STING1: variants seen among roughly 807,000 people sequenced by gnomAD.
STING1 encodes the protein stimulator of interferon genes protein.
STING1 carries 19 observed loss-of-function variants against 31.6 expected under a neutral mutation model. The observed-to-expected ratio is 0.60, with a 90% CI of 0.42 to 0.88. The LOEUF is 0.88. Among genes scored for constraint, STING1 ranks in the 40% least tolerant of loss-of-function variants. The pLI is 0.00. For missense variants in STING1, 371 were observed against 483.7 expected, an observed-to-expected ratio of 0.77 and a Z score of 2.19; for synonymous variants, 200 against 208.6, an observed-to-expected ratio of 0.96 and a Z score of 0.35.
intron 2 of STING1, 140 bp downstream of exon 2, chr5:139,482,070 C>T (rs1751870087): frequency 5.3e-6 from 1 of 188,412 alleles, no homozygotes; most frequent in South Asian, 1.7e-4. Context: ...TCCCCGGAAC[C>T]CACCCCAGGG....
At position 139,481,065 on chromosome 5, in the gene STING1, TA is replaced by T. The variant is rs1751824378; in HGVS notation, c.411+93del. On this transcript the variant is annotated intron_variant, in intron 4 of 7. Transcript: ENST00000330794. This position sits in a 1 kb window ranked among gnomAD's most constrained non-coding sequence, Gnocchi z 4.1. ...GTTCTACTCCATGGACTCCAGCCTT[TA>T]AACCAGTCCCACTCCCAGTACTCAG... 7.2e-7 allele frequency: 1 copy of T among 1,383,018 alleles called. No individual in the cohort carries two copies. Among genetic ancestry groups the T allele is most frequent in the African/African-American group, 1.4e-5 (1 of 70,160 alleles). 85.7% of individuals were successfully genotyped at this position (1,383,018 alleles called of 1,614,324 possible).
At chr5:139,482,086 C>T (rs1751870708) in intron 2 of STING1, 124 bp downstream of exon 2, 1 of 173,558 alleles carries the variant, frequency 5.8e-6, no homozygotes, top group Non-Finnish European at 1.2e-5. Flanking sequence ...CAGGGAGGAC[C>T]TTAGTCAACA....
intron 7 of STING1, 61 bp from the exon 8 acceptor site, chr5:139,476,515 C>A: frequency 6.7e-7 from 1 of 1,499,712 alleles, no homozygotes; most frequent in Non-Finnish European, 9.1e-7. Flanking sequence ...CTCAAACATA[C>A]CTAGAGAACT....
intron 5 of STING1, chr5:139,478,814 G>T: frequency 2.8e-6 from 1 of 356,792 alleles, no homozygotes; most frequent in Non-Finnish European, 5.3e-6. Flanking sequence ...GACATTTCCA[G>T]CATTCTCGTG....
Position 139,478,848 on chromosome 5 carries a change from C to A in STING1, c.521-340G>T, listed in dbSNP as rs564620926. 23 of 276,700 alleles carry A rather than the reference C, an allele frequency of 8.3e-5. No homozygotes were observed. The South Asian group carries it at 1.2e-3, about 14-fold the overall frequency. 17.1% of individuals were successfully genotyped at this position (276,700 alleles called of 1,614,324 possible). A position where few individuals can be genotyped will look rare whatever the true frequency, so the allele number is the denominator to read the frequency against. ...TGTGCACAGAGGGAGGCCTCTAGCCCCAGATCAGTCTCCTAGCGGAAGCCC... is the reference window on the plus strand; with the variant it reads ...TGTGCACAGAGGGAGGCCTCTAGCCACAGATCAGTCTCCTAGCGGAAGCCC... On this transcript the variant is annotated intron_variant, in intron 5 of 7. Transcript: ENST00000330794.
chr5:139,478,097 G>A (rs572037972), intron 6 of STING1, among the ~76,000 whole-genome samples, 173 bp downstream of exon 6: 2 of 152,294 alleles, frequency 1.3e-5, no homozygotes, highest in South Asian at 4.1e-4. Flanking sequence ...GTAAGTGCTC[G>A]ATAAATGTTA....
rs1751721990 is a variant in STING1 at position 139,478,284 on chromosome 5, C to T, written c.745G>A (p.Glu249Lys). The change falls in exon 6 of 8, where the codon GAG (glutamate) becomes AAG (lysine). Residue 249 changes from glutamate to lysine, a missense_variant. Physicochemically the swap from Glu to Lys is moderately conservative, Grantham distance 56. Transcript: ENST00000330794. The stretch of plus-strand genomic sequence containing the variant: ...TGCACACTTACCCGCTGCCCGTTCT[C>T]CAGAAGCTCATAGATGCTGTTGCTG... ...VYSNSIYELLENGQRAGTCVL... is the reference protein window; with the variant it reads ...VYSNSIYELLKNGQRAGTCVL... 6.2e-7 allele frequency: 1 copy of T among 1,613,380 alleles called. No homozygotes were observed. The highest frequency in any genetic ancestry group is 1.3e-5 in the African/African-American group (1 of 74,886).
chr5:139,480,939 A>G, intron 4 of STING1, 41 bp from the exon 5 acceptor site: 1 of 1,481,420 alleles, frequency 6.8e-7, no homozygotes, highest in Non-Finnish European at 9.4e-7. Context: ...TCCATCAAGG[A>G]CACCCAGAGA....
chr5:139,481,080 C>A lies in STING1; in HGVS notation c.411+79G>T. 2.1e-6 allele frequency: 3 copies of A among 1,450,820 alleles called. No homozygotes were observed. The highest frequency in any genetic ancestry group is 2.3e-5 in the South Asian group (2 of 86,804). 89.9% of individuals were successfully genotyped at this position (1,450,820 alleles called of 1,614,324 possible). ...CTCCAGCCTTTAAACCAGTCCCACT[C>A]CCAGTACTCAGCTCAGGGCAGGTCA... is the stretch of plus-strand genomic sequence containing the variant. On this transcript the variant is annotated intron_variant, in intron 4 of 7. Coordinates refer to ENST00000330794, the MANE Select transcript of STING1 (RefSeq NM_198282.4). This position sits in a 1 kb window ranked among gnomAD's most constrained non-coding sequence, Gnocchi z 4.1.
intron 5 of STING1, 150 bp downstream of exon 5, chr5:139,480,640 C>T: frequency 1.6e-6 from 1 of 625,248 alleles, no homozygotes; most frequent in Admixed American, 2.7e-5. Context: ...ATCATAGCAA[C>T]ATCCTTCATG....
At chr5:139,476,512 A>T (rs989475184) in intron 7 of STING1, 58 bp from the exon 8 acceptor site, 1 of 1,511,342 alleles carries the variant, frequency 6.6e-7, no homozygotes, top group African/African-American at 1.4e-5. Context: ...CCACTCAAAC[A>T]TACCTAGAGA....
At chr5:139,477,670 G>A (rs971988050) in intron 6 of STING1, among the ~76,000 whole-genome samples, 155 bp from the exon 7 acceptor site, 2 of 152,052 alleles carry the variant, frequency 1.3e-5, no homozygotes, top group African/African-American at 4.8e-5. Context: ...ACCCTAATGG[G>A]GTCTATGCTG....
rs1390555642 is a variant in STING1, at chr5:139,478,426, G to A, written c.603C>T (p.Leu201=). 1 of 1,614,208 alleles carries A rather than the reference G, an allele frequency of 6.2e-7. No individual in the cohort carries two copies. The highest frequency in any genetic ancestry group is 8.5e-7 in the Non-Finnish European group (1 of 1,180,036). The change falls in exon 6 of 8, where the codon CTC becomes CTT. Residue 201 remains leucine (L), a synonymous_variant. Transcript: ENST00000330794. ...CAGGCACCCCACAGTCCAATGGGAG[G>A]AGAATATACAGCCGCTGGCTCACTG... The part of the protein sequence containing the change: ...RGAVSQRLYI[L]LPLDCGVPDN...
rs760501340 is a variant in STING1 at position 139,476,235 on chromosome 5, AG to A, written c.*25del. ...AGTCCAGAGGCTTGGAGACCACTGG[AG>A]GCTCTGGCCTGGTGACCCTGGGTCT... On this transcript the variant is annotated 3_prime_UTR_variant, in exon 8 of 8. Transcript: ENST00000330794. The A allele has an allele frequency of 9.1e-6, 14 of 1,541,830 alleles. No individual in the cohort carries two copies. In the Admixed American group the frequency reaches 2.7e-4, roughly 30 times the overall value.
In STING1 at chr5:139,479,848, CAAAAAAAAAA is replaced by C. The variant is rs1168023127; in HGVS notation, c.520+932_520+941del. ...TGAAACCCTGTCTCTACTAAAAATACAAAAAAAAAAAAAAAAAAAAAAAAAAAAGCCATGC... is the reference window on the plus strand; with the variant it reads ...TGAAACCCTGTCTCTACTAAAAATACAAAAAAAAAAAAAAAAAAGCCATGC... On this transcript the variant is annotated intron_variant, in intron 5 of 7. Coordinates refer to ENST00000330794, the MANE Select transcript of STING1 (RefSeq NM_198282.4). Among the ~76,000 whole-genome samples the C allele has an allele frequency of 5.2e-4, 18 of 34,920 alleles. No homozygotes were observed. The East Asian group carries it at 0.013, about 24-fold the overall frequency. The allele number at this position is 34,920 out of a possible 152,430, so 22.9% of individuals were successfully genotyped here. A position where few individuals can be genotyped will look rare whatever the true frequency, so the allele number is the denominator to read the frequency against.
Position 139,478,483 on chromosome 5 carries a change from G to T in STING1, c.546C>A (p.Tyr182Ter). The T allele has an allele frequency of 6.2e-7, 1 of 1,614,160 alleles. No homozygotes were observed. The highest frequency in any genetic ancestry group is 8.5e-7 in the Non-Finnish European group (1 of 1,180,022). ...GTAGCAGGTTGTTGTAATGCTGATT[G>T]TAAGTTCGAATCCGGGCCTGGAGCT... The part of the protein sequence containing the change: ...LPELQARIRT[Y>*]NQHYNNLLRG... Residue 182 changes from tyrosine (Y) to a stop codon, truncating the protein, a stop_gained, in exon 6 of 8, where the codon TAC becomes TAA. Coordinates refer to ENST00000330794, the MANE Select transcript of STING1 (RefSeq NM_198282.4). LOFTEE classifies it high-confidence loss of function.
chr5:139,479,621 G>A (rs940333340), intron 5 of STING1, among the ~76,000 whole-genome samples: 1 of 151,128 alleles, frequency 6.6e-6, no homozygotes, highest in African/African-American at 2.4e-5. Flanking sequence ...AGAATCACTG[G>A]AACCTGGGAA....
In STING1 at chr5:139,476,194, A is replaced by G; in HGVS notation, c.*67T>C. Reference sequence around the variant, plus strand: ...AAATAGCTCTGCTGGACATTCAGCCACTGAAGAGAGCCCCCAGTCCAGAGG... The same window carrying G: ...AAATAGCTCTGCTGGACATTCAGCCGCTGAAGAGAGCCCCCAGTCCAGAGG... On this transcript the variant is annotated 3_prime_UTR_variant, in exon 8 of 8. Transcript: ENST00000330794. 7.7e-7 allele frequency: 1 copy of G among 1,301,624 alleles called. No individual in the cohort carries two copies. The highest frequency in any genetic ancestry group is 1.4e-5 in the South Asian group (1 of 73,084). 80.6% of individuals were successfully genotyped at this position (1,301,624 alleles called of 1,614,324 possible).
intron 4 of STING1, 87 bp from the exon 5 acceptor site, chr5:139,480,985 C>G (rs980130141): frequency 8.1e-7 from 1 of 1,239,584 alleles, no homozygotes; most frequent in African/African-American, 1.5e-5. Context: ...CCAACCTGCT[C>G]CTGACTTGAT....
Sources: gnomAD v4.1 joint callset for allele counts (sites outside exome capture counted in the v4.1 genomes callset) on GRCh38, gnomAD v4.1.1 for gene constraint, Gnocchi (gnomAD v3.1) non-coding constraint, MANE v1.5 for transcripts, NCBI Gene and HGNC (gene_info 2026-07-23, HGNC 2026-07-21) for gene names.